The following HYCC1 variants were observed in gnomAD, a reference collection of about 807,000 sequenced individuals.
The protein encoded by HYCC1 is hyccin.
At chr7:23,012,444 C>T in the HYCC1 span, among the ~76,000 whole-genome samples, 1 of 152,084 alleles carries the variant, frequency 6.6e-6, no homozygotes, top group African/African-American at 2.4e-5. Context: ...CCTTCTAATC[C>T]CTCATGGTAA....
At chr7:22,984,057 T>A in the HYCC1 span, 2 of 1,461,622 alleles carry the variant, frequency 1.4e-6, no homozygotes, top group Non-Finnish European at 1.9e-6. Context: ...TAAACAAATT[T>A]AAAAAAATAC....
chr7:22,942,739 G>A, the HYCC1 span: 2 of 152,108 alleles, frequency 1.3e-5, no homozygotes, highest in Admixed American at 1.3e-4. Context: ...ATCTTTATAA[G>A]AAAGTGACCT....
the HYCC1 span, among the ~76,000 whole-genome samples, chr7:22,989,379 C>T: frequency 6.6e-6 from 1 of 152,084 alleles, no homozygotes; most frequent in Non-Finnish European, 1.5e-5. Flanking sequence ...ACAAAAGTCT[C>T]ATTCTGTCAC....
the HYCC1 span, among the ~76,000 whole-genome samples, chr7:22,954,937 A>G: frequency 9.9e-5 from 15 of 151,680 alleles, no homozygotes; most frequent in Admixed American, 7.2e-4. Flanking sequence ...GCAAACAGTT[A>G]TAACTGTACA....
At chr7:22,957,684 C>G in the HYCC1 span, among the ~76,000 whole-genome samples, 1 of 151,800 alleles carries the variant, frequency 6.6e-6, no homozygotes, top group African/African-American at 2.4e-5. Flanking sequence ...GAAATTTGTC[C>G]TACTGTGAGG....
chr7:22,981,921 C>A, the HYCC1 span, among the ~76,000 whole-genome samples: 109 of 152,294 alleles, frequency 7.2e-4, 1 homozygote, highest in Admixed American at 1.6e-3. Flanking sequence ...TTGAGAAACA[C>A]TGCTCTGAAC....
At chr7:22,914,342 C>T in the HYCC1 span, among the ~76,000 whole-genome samples, 1 of 152,226 alleles carries the variant, frequency 6.6e-6, no homozygotes, top group Non-Finnish European at 1.5e-5. Context: ...TCTCTACCCT[C>T]TCTTTTCTCT....
the HYCC1 span, chr7:22,983,912 C>A: frequency 8.1e-7 from 1 of 1,235,582 alleles, no homozygotes; most frequent in East Asian, 2.3e-5. Flanking sequence ...CAAGTCAATA[C>A]TGTTAGCACA....
the HYCC1 span, among the ~76,000 whole-genome samples, chr7:23,001,063 G>T: frequency 1.3e-5 from 2 of 151,934 alleles, no homozygotes; most frequent in African/African-American, 2.4e-5. Flanking sequence ...TACACAACTG[G>T]CATCATTGGG....
chr7:22,974,455 C>CA, the HYCC1 span, among the ~76,000 whole-genome samples: 1 of 151,824 alleles, frequency 6.6e-6, no homozygotes, highest in African/African-American at 2.4e-5. Flanking sequence ...CAATTTAAAG[C>CA]AAAAAACATC....
chr7:22,949,879 T>C, the HYCC1 span, among the ~76,000 whole-genome samples: 1 of 152,094 alleles, frequency 6.6e-6, no homozygotes, highest in Non-Finnish European at 1.5e-5. Context: ...TAATTGATAC[T>C]TGTTATCACT....
chr7:22,983,328 CAA>C, the HYCC1 span, among the ~76,000 whole-genome samples: 11 of 111,120 alleles, frequency 9.9e-5, no homozygotes, highest in East Asian at 2.6e-4. Context: ...GACCCTGTCT[CAA>C]AAAAAAAAAA....
At chr7:22,907,642 G>A in the HYCC1 span, among the ~76,000 whole-genome samples, 2 of 152,142 alleles carry the variant, frequency 1.3e-5, no homozygotes, top group Non-Finnish European at 2.9e-5. Flanking sequence ...GGGTGCGGGG[G>A]CCCACCCCTG....
chr7:23,008,074 G>C, the HYCC1 span, among the ~76,000 whole-genome samples: 1 of 152,012 alleles, frequency 6.6e-6, no homozygotes, highest in Non-Finnish European at 1.5e-5. Flanking sequence ...AATGTCCTAA[G>C]AAAAAGAAAT....
the HYCC1 span, among the ~76,000 whole-genome samples, chr7:22,925,607 T>C: frequency 6.6e-6 from 1 of 151,992 alleles, no homozygotes; most frequent in East Asian, 1.9e-4. Context: ...ATGAATGAAA[T>C]GAAGCGTGAA....
the HYCC1 span, among the ~76,000 whole-genome samples, chr7:22,956,016 T>C: frequency 2.0e-5 from 3 of 151,710 alleles, no homozygotes; most frequent in Admixed American, 2.0e-4. Flanking sequence ...TTTACTAAAT[T>C]TTATCTCATT....
chr7:22,980,314 T>C, the HYCC1 span, among the ~76,000 whole-genome samples: 85 of 151,920 alleles, frequency 5.6e-4, no homozygotes, highest in Admixed American at 1.2e-3. Context: ...TTATGGTGGT[T>C]AGGTTTTACA....
chr7:22,918,656 T>G, the HYCC1 span, among the ~76,000 whole-genome samples: 1 of 152,164 alleles, frequency 6.6e-6, no homozygotes, highest in South Asian at 2.1e-4. Flanking sequence ...CCTTAACTGA[T>G]GACATTACCT....
the HYCC1 span, among the ~76,000 whole-genome samples, chr7:23,010,692 T>C: frequency 6.6e-6 from 1 of 152,208 alleles, no homozygotes; most frequent in African/African-American, 2.4e-5. Context: ...GAAATAAATA[T>C]TGATATCTGG....
Sources: allele counts gnomAD v4.1 joint callset (sites outside exome capture counted in the v4.1 genomes callset), GRCh38; gene constraint gnomAD v4.1.1; transcripts MANE v1.5; gene names NCBI Gene and HGNC (gene_info 2026-07-23, HGNC 2026-07-21).